The following TASP1 variants were observed in gnomAD, a reference collection of about 807,000 sequenced individuals.
TASP1 encodes threonine aspartase 1.
A neutral mutation model predicts 56.6 loss-of-function variants in TASP1; 16 were observed. The ratio of observed to expected loss-of-function variants is 0.28; its 90% confidence interval spans 0.19 to 0.43. The LOEUF is 0.43. Among genes scored for constraint, TASP1 ranks in the 20% least tolerant of loss-of-function variants. The probability of loss-of-function intolerance (pLI) is 1.00; values close to 1 mark genes in which losing one functional copy is unlikely to be tolerated. For synonymous variants in TASP1, 179 were observed against 184.2 expected, an observed-to-expected ratio of 0.97 and a Z score of 0.23; for missense variants, 393 against 511.6, an observed-to-expected ratio of 0.77 and a Z score of 2.24.
At position 13,469,792 on chromosome 20, in the gene TASP1, CTTTTTTTTTTTT is replaced by C. The variant is rs546419566; in HGVS notation, c.985+13423_985+13434del. On this transcript the variant is annotated intron_variant, in intron 11 of 13. Transcript: ENST00000337743. ...ACAGTTGTCCAGGTCAATAAATGTC[CTTTTTTTTTTTT>C]TTTTTTTTTTTTTTTTTTTTTTGAG... 2.6e-3 allele frequency among the ~76,000 whole-genome samples: 102 copies of C among 39,544 alleles called. 1 individual carries two copies. The East Asian group carries it at 0.047, about 18-fold the overall frequency. 25.9% of individuals were successfully genotyped at this position (39,544 alleles called of 152,430 possible). A position where few individuals can be genotyped will look rare whatever the true frequency, so the allele number is the denominator to read the frequency against.
intron 1 of TASP1, among the ~76,000 whole-genome samples, chr20:13,633,362 A>G (rs943311263): frequency 1.3e-5 from 2 of 152,222 alleles, no homozygotes; most frequent in Non-Finnish European, 2.9e-5. Flanking sequence ...AAGATGGGAT[A>G]GAAATTTCAC....
At position 13,528,068 on chromosome 20, in the gene TASP1, A is replaced by T. The variant is rs755323569; in HGVS notation, c.874+365T>A. Among the ~76,000 whole-genome samples the T allele has an allele frequency of 2.0e-5, 3 of 151,790 alleles. No homozygotes were observed. In the East Asian group the frequency reaches 5.8e-4, roughly 29 times the overall value. On this transcript the variant is annotated intron_variant, in intron 10 of 13. Transcript: ENST00000337743. The stretch of plus-strand genomic sequence containing the variant: ...AAAACCCTGTCTCTACTAAAAATAC[A>T]AAAAATCAGCCGGGTGTGGTGGTGC...
intron 6 of TASP1, among the ~76,000 whole-genome samples, chr20:13,573,468 T>C (rs377078020): frequency 1.4e-4 from 21 of 152,352 alleles, no homozygotes; most frequent in African/African-American, 5.1e-4. Context: ...TTTATGATAT[T>C]AAGGTGTTTT....
At chr20:13,356,506 T>C in the TASP1 span, among the ~76,000 whole-genome samples, 1 of 152,232 alleles carries the variant, frequency 6.6e-6, no homozygotes, top group Non-Finnish European at 1.5e-5. Flanking sequence ...TCTTGCCCAG[T>C]AAGTAACTTG....
intron 4 of TASP1, among the ~76,000 whole-genome samples, chr20:13,588,219 T>C (rs958824364): frequency 8.1e-6 from 1 of 123,972 alleles, no homozygotes; most frequent in Non-Finnish European, 1.6e-5. Flanking sequence ...AACCAGACAA[T>C]TAGACAAAAA....
the TASP1 span, among the ~76,000 whole-genome samples, chr20:13,274,920 A>G: frequency 4.7e-4 from 71 of 152,286 alleles, no homozygotes; most frequent in African/African-American, 1.5e-3. Flanking sequence ...ATTTAAAACA[A>G]TATAAGAGGT....
the TASP1 span, among the ~76,000 whole-genome samples, chr20:13,361,106 A>C: frequency 1.3e-5 from 2 of 151,736 alleles, no homozygotes; most frequent in Non-Finnish European, 2.9e-5. Flanking sequence ...CTCAGGGATT[A>C]TTCAGGCCCC....
At chr20:13,582,303 A>G (rs2047156054) in intron 5 of TASP1, among the ~76,000 whole-genome samples, 1 of 151,926 alleles carries the variant, frequency 6.6e-6, no homozygotes, top group Non-Finnish European at 1.5e-5. Flanking sequence ...TTTACAAATT[A>G]ACAATTTATG....
At chr20:13,482,832 T>G (rs1267355073) in intron 11 of TASP1, among the ~76,000 whole-genome samples, 1 of 152,238 alleles carries the variant, frequency 6.6e-6, no homozygotes, top group Non-Finnish European at 1.5e-5. Context: ...CTAATACATT[T>G]GAGGAAATAG....
intron 10 of TASP1, among the ~76,000 whole-genome samples, chr20:13,487,494 C>A (rs1440349379): frequency 6.6e-6 from 1 of 152,160 alleles, no homozygotes; most frequent in African/African-American, 2.4e-5. Flanking sequence ...CTAGGAGTGC[C>A]AGTCTCTACG....
Position 13,544,812 on chromosome 20 carries a change from G to A in TASP1, c.676-10671C>T, listed in dbSNP as rs534339645. Among the ~76,000 whole-genome samples the A allele has an allele frequency of 5.9e-5, 9 of 152,112 alleles. No homozygotes were observed. The South Asian group carries it at 8.3e-4, about 14-fold the overall frequency. On this transcript the variant is annotated intron_variant, in intron 8 of 13. Coordinates refer to ENST00000337743, the MANE Select transcript of TASP1 (RefSeq NM_017714.3). The stretch of plus-strand genomic sequence containing the variant: ...AAATTACACTTTCTCTTTTAAATAC[G>A]AGAGCTCTGCCAGCCTTTAAACTGA...
At chr20:13,154,023 CT>C in the TASP1 span, 8 of 1,614,110 alleles carry the variant, frequency 5.0e-6, no homozygotes, top group South Asian at 7.7e-5. Context: ...AGTACAGCAA[CT>C]TGCGAAAAAC....
chr20:13,540,174 T>C (rs973170182), intron 8 of TASP1, among the ~76,000 whole-genome samples: 1 of 152,182 alleles, frequency 6.6e-6, no homozygotes, highest in Non-Finnish European at 1.5e-5. Context: ...TTCCTTAAGA[T>C]GACATTAAGT....
the TASP1 span, chr20:13,368,206 G>C: frequency 5.9e-5 from 9 of 152,116 alleles, no homozygotes; most frequent in Non-Finnish European, 1.3e-4. Context: ...ATAGTAGAGA[G>C]CACTGTGCTT....
chr20:13,407,650 C>T (rs1244846351), intron 13 of TASP1, among the ~76,000 whole-genome samples: 1 of 152,150 alleles, frequency 6.6e-6, no homozygotes, highest in Non-Finnish European at 1.5e-5. Flanking sequence ...GAGGAACTGC[C>T]AAACTGTTGT....
the TASP1 span, among the ~76,000 whole-genome samples, chr20:13,110,462 T>C: frequency 6.6e-6 from 1 of 152,208 alleles, no homozygotes; most frequent in Non-Finnish European, 1.5e-5. Flanking sequence ...AGAAATATCC[T>C]CTCAAGGCAT....
At chr20:13,170,210 G>A in the TASP1 span, among the ~76,000 whole-genome samples, 3 of 152,182 alleles carry the variant, frequency 2.0e-5, no homozygotes, top group African/African-American at 7.2e-5. Flanking sequence ...GTATATTCAA[G>A]TTATGAGGGG....
chr20:13,481,332 C>T (rs562609211), intron 11 of TASP1, among the ~76,000 whole-genome samples: 2 of 152,178 alleles, frequency 1.3e-5, no homozygotes, highest in African/African-American at 2.4e-5. Context: ...CTGCTGGACA[C>T]TTAGGTTGCT....
intron 8 of TASP1, 85 bp from the exon 9 acceptor site, chr20:13,534,226 A>G: frequency 6.9e-7 from 1 of 1,444,120 alleles, no homozygotes. Flanking sequence ...CCATACAATC[A>G]TGACAGAACA....
Sources: allele counts gnomAD v4.1 joint callset (sites outside exome capture counted in the v4.1 genomes callset), GRCh38; gene constraint gnomAD v4.1.1; transcripts MANE v1.5; gene names NCBI Gene and HGNC (gene_info 2026-07-23, HGNC 2026-07-21).